WDFY3: variants seen among roughly 807,000 people sequenced by gnomAD.
The protein encoded by WDFY3 is WD repeat and FYVE domain containing 3, also known as WD repeat and FYVE domain-containing protein 3.
WDFY3 carries 66 observed loss-of-function variants against 409.6 expected under a neutral mutation model. That is an observed-to-expected ratio of 0.16 (90% CI 0.13 to 0.20). WDFY3 has a LOEUF of 0.20. WDFY3 is among the 10% of genes least tolerant of loss of function. WDFY3 has a pLI of 1.00. For missense variants in WDFY3, 3,031 were observed against 4,298.1 expected, an observed-to-expected ratio of 0.71 and a Z score of 8.24; for synonymous variants, 1,521 against 1,537.1, an observed-to-expected ratio of 0.99 and a Z score of 0.25.
At chr4:84,789,658 CA>C in intron 22 of WDFY3, 67 bp downstream of exon 22, 1 of 1,493,464 alleles carries the variant, frequency 6.7e-7, no homozygotes, top group Non-Finnish European at 9.2e-7. Flanking sequence ...CACACACACA[CA>C]CACACACACA....
chr4:84,715,422 A>G (rs369932697), intron 49 of WDFY3, 39 bp from the exon 50 acceptor site: 282 of 1,110,860 alleles, frequency 2.5e-4, no homozygotes, highest in Admixed American at 1.5e-3. Context: ...GAAAAAACAG[A>G]AGTTCACAAA....
At chr4:84,956,365 A>G (rs1774237541) in intron 1 of WDFY3, among the ~76,000 whole-genome samples, 2 of 152,184 alleles carry the variant, frequency 1.3e-5, no homozygotes, top group South Asian at 4.1e-4. Flanking sequence ...CCAGAGTGGA[A>G]AGAAGAGCCA....
chr4:84,920,208 T>C (rs772105393), intron 2 of WDFY3, among the ~76,000 whole-genome samples: 5 of 152,196 alleles, frequency 3.3e-5, no homozygotes, highest in Non-Finnish European at 5.9e-5. Context: ...GATATGATCA[T>C]TGACTAATTC....
rs141437266 is a variant in WDFY3 at position 84,761,678 on chromosome 4, C to T, written c.5188+4132G>A. ...ACTACCATCAGAATGAACAGGCAAC[C>T]CACAAAATGGGAGAAAATTTTCACA... is the stretch of plus-strand genomic sequence containing the variant. On this transcript the variant is annotated intron_variant, in intron 32 of 67. Transcript: ENST00000295888. Among the ~76,000 whole-genome samples, 559 of 152,104 alleles carry T rather than the reference C, an allele frequency of 3.7e-3. 5 individuals are homozygous for T. The highest frequency in any genetic ancestry group is 0.017 in the Middle Eastern group (5 of 294).
intron 3 of WDFY3, among the ~76,000 whole-genome samples, chr4:84,896,166 G>A (rs1419549609): frequency 6.6e-6 from 1 of 152,090 alleles, no homozygotes; most frequent in East Asian, 1.9e-4. Context: ...TGAGGCAGGA[G>A]AATCGCTTGA....
At chr4:84,788,223 A>C (rs1747875747) in intron 22 of WDFY3, among the ~76,000 whole-genome samples, 1 of 152,228 alleles carries the variant, frequency 6.6e-6, no homozygotes, top group Non-Finnish European at 1.5e-5. Context: ...TTGCTGAAGC[A>C]GCTTAATGGG....
At chr4:84,731,412 T>C (rs954838693) in intron 44 of WDFY3, among the ~76,000 whole-genome samples, 4 of 152,146 alleles carry the variant, frequency 2.6e-5, no homozygotes, top group African/African-American at 9.7e-5. Flanking sequence ...CTTCAGAAAA[T>C]TTCATCATAG....
rs867129298 is a variant in WDFY3, at chr4:84,691,230, G to T, written c.9204+401C>A. ...TTGCTTCTTGTGGGATGGAGCAACA[G>T]GTTTTCTGCCAGCTTGTTTGGAGCA... On this transcript the variant is annotated intron_variant, in intron 60 of 67. Transcript: ENST00000295888. Among the ~76,000 whole-genome samples the T allele has an allele frequency of 3.3e-5, 5 of 152,102 alleles. No individual in the cohort carries two copies. In the South Asian group the frequency reaches 6.2e-4, roughly 19 times the overall value.
chr4:84,870,504 T>C (rs1177028975), intron 3 of WDFY3, among the ~76,000 whole-genome samples: 1 of 152,038 alleles, frequency 6.6e-6, no homozygotes, highest in East Asian at 1.9e-4. Context: ...ACCACAACTT[T>C]CCAGGGTTGC....
At chr4:84,784,864 A>ATG (rs1194373556) in intron 24 of WDFY3, among the ~76,000 whole-genome samples, 2 of 57,282 alleles carry the variant, frequency 3.5e-5, no homozygotes, top group African/African-American at 7.7e-5. Flanking sequence ...ATATGTATAT[A>ATG]TATATATATA....
intron 37 of WDFY3, 52 bp downstream of exon 37, chr4:84,743,648 T>C: frequency 7.1e-7 from 1 of 1,412,326 alleles, no homozygotes; most frequent in Non-Finnish European, 9.5e-7. Flanking sequence ...ACTTGGGGCT[T>C]AGAGAGGAAA....
intron 6 of WDFY3, 45 bp from the exon 7 acceptor site, chr4:84,837,135 T>C: frequency 1.4e-6 from 2 of 1,388,754 alleles, no homozygotes; most frequent in Non-Finnish European, 1.9e-6. Context: ...GACACAACTA[T>C]AATTGGTACA....
At chr4:84,966,038 C>T (rs1279958364) in intron 1 of WDFY3, among the ~76,000 whole-genome samples, 171 bp downstream of exon 1, 3 of 151,976 alleles carry the variant, frequency 2.0e-5, no homozygotes, top group Non-Finnish European at 2.9e-5. Flanking sequence ...CAAGGCGGAC[C>T]CTGGGGAGGA....
intron 2 of WDFY3, among the ~76,000 whole-genome samples, chr4:84,901,386 CAAGA>C (rs1051242553): frequency 6.6e-6 from 1 of 151,968 alleles, no homozygotes; most frequent in Non-Finnish European, 1.5e-5. Context: ...CTTTCTGAGA[CAAGA>C]AAGAGAGACC....
At chr4:84,695,449 G>A (rs373846885) in intron 58 of WDFY3, among the ~76,000 whole-genome samples, 3 of 31,612 alleles carry the variant, frequency 9.5e-5, no homozygotes, top group African/African-American at 3.6e-4. Flanking sequence ...TTTGGGTCCC[G>A]TGTGTGTGTG....
intron 6 of WDFY3, among the ~76,000 whole-genome samples, chr4:84,840,520 C>T (rs1757179264): frequency 2.0e-5 from 3 of 152,158 alleles, no homozygotes; most frequent in Admixed American, 2.0e-4. Flanking sequence ...AGCTCCTGAG[C>T]TACTTGCCAC....
chr4:84,920,534 A>G (rs1052800339), intron 2 of WDFY3, among the ~76,000 whole-genome samples: 1 of 152,244 alleles, frequency 6.6e-6, no homozygotes, highest in African/African-American at 2.4e-5. Context: ...ATGGCTAACA[A>G]TAGATGAATC....
At chr4:84,943,730 G>C (rs1487366915) in intron 1 of WDFY3, among the ~76,000 whole-genome samples, 2 of 152,022 alleles carry the variant, frequency 1.3e-5, no homozygotes, top group Non-Finnish European at 2.9e-5. Flanking sequence ...AAAAAAAACT[G>C]CTCTTTAAAG....
chr4:84,803,228 A>C (rs1750934978), intron 16 of WDFY3, 62 bp downstream of exon 16: 13 of 1,495,700 alleles, frequency 8.7e-6, no homozygotes, highest in Non-Finnish European at 1.2e-5. Context: ...TCATATAATC[A>C]TACTCACATC....
Sources: gnomAD v4.1 joint callset for allele counts (sites outside exome capture counted in the v4.1 genomes callset) on GRCh38, gnomAD v4.1.1 for gene constraint, MANE v1.5 for transcripts, NCBI Gene and HGNC (gene_info 2026-07-23, HGNC 2026-07-21) for gene names.